The following SH2B2 variants were observed in gnomAD, a reference collection of about 807,000 sequenced individuals.
SH2B2 encodes the protein SH2B adaptor protein 2.
SH2B2 carries 37 observed loss-of-function variants against 35.7 expected under a neutral mutation model. The observed-to-expected ratio is 1.04, with a 90% CI of 0.80 to 1.36. The LOEUF is 1.36. Ranked by LOEUF, SH2B2 falls within the 40% of genes most tolerant of loss-of-function variation. The pLI is 0.00. For missense variants in SH2B2, 852 were observed against 817.7 expected (o/e 1.04, Z -0.51); for synonymous variants, 383 against 376.4 (o/e 1.02, Z -0.20).
intron 1 of SH2B2, among the ~76,000 whole-genome samples, chr7:102,292,462 CG>C (rs1563546773): frequency 6.7e-6 from 1 of 149,034 alleles, no homozygotes; most frequent in Non-Finnish European, 1.5e-5. Context: ...ACCCAGGAGG[CG>C]GAAGTTGCAG....
intron 7 of SH2B2, among the ~76,000 whole-genome samples, chr7:102,317,881 C>T (rs1443424355): frequency 2.6e-5 from 4 of 152,214 alleles, no homozygotes; most frequent in South Asian, 2.1e-4. Context: ...GGAACACACA[C>T]GGGCAAACCC....
chr7:102,313,905 C>T (rs1442642884), intron 4 of SH2B2, among the ~76,000 whole-genome samples: 28 of 149,342 alleles, frequency 1.9e-4, no homozygotes, highest in African/African-American at 3.0e-4. Flanking sequence ...AGTGAGACTC[C>T]GTCTCAAAAA....
chr7:102,314,642 G>A lies in SH2B2; in HGVS notation c.1146G>A (p.Leu382=). ...HVPLETFLQT[L]ESPGGSGSDS... ...CGCTAGAGACCTTTCTGCAGACCCT[G>A]GAATCCCCGGGCGGCAGCGGCAGTG... Residue 382 remains leucine (L), a synonymous_variant, in exon 6 of 9, where the codon CTG becomes CTA. Coordinates refer to ENST00000444095, the MANE Select transcript of SH2B2 (RefSeq NM_001359228.2). 1 of 398,556 alleles carries A rather than the reference G, an allele frequency of 2.5e-6. No individual in the cohort carries two copies. 24.7% of individuals were successfully genotyped at this position (398,556 alleles called of 1,614,324 possible). A position where few individuals can be genotyped will look rare whatever the true frequency, so the allele number is the denominator to read the frequency against.
In SH2B2 at chr7:102,320,491, A is replaced by AC. The variant is rs782145245; in HGVS notation, c.1562dup (p.Pro522ThrfsTer?). The AC allele has an allele frequency of 9.3e-6, 15 of 1,611,616 alleles. No individual in the cohort carries two copies. Among genetic ancestry groups the AC allele is most frequent in the African/African-American group, 1.3e-5 (1 of 74,106 alleles). ...CTTCGCAGCTATGTGCGGGCCCAGG[A>AC]CCCCCCACCAGGTAAGATGCCGCCA... On this transcript the variant is annotated frameshift_variant, in exon 8 of 9. Transcript: ENST00000444095. LOFTEE classifies it low-confidence loss of function (END_TRUNC).
chr7:102,302,774 A>C (rs1352750509), intron 2 of SH2B2, among the ~76,000 whole-genome samples: 1 of 152,208 alleles, frequency 6.6e-6, no homozygotes, highest in Non-Finnish European at 1.5e-5. Context: ...CTAACATGGC[A>C]GGACATGGTG....
At chr7:102,295,401 C>A (rs1438547535) in intron 1 of SH2B2, among the ~76,000 whole-genome samples, 2 of 152,202 alleles carry the variant, frequency 1.3e-5, no homozygotes, top group African/African-American at 2.4e-5. Flanking sequence ...ATGGGTTCAG[C>A]TGTGGCCCCA....
At position 102,320,409 on chromosome 7, in the gene SH2B2, C is replaced by G; in HGVS notation, c.1474C>G (p.Arg492Gly). ...GTTCCAGTCTGTGCTTGACATGCTCCGCCACTTCCACACACACCCCATCCC... is the reference window on the plus strand; with the variant it reads ...GTTCCAGTCTGTGCTTGACATGCTCGGCCACTTCCACACACACCCCATCCC... ...LWFQSVLDML[R>G]HFHTHPIPLE... The change falls in exon 8 of 9, where the codon CGC becomes GGC. Residue 492 changes from arginine (R) to glycine (G), a missense_variant. This residue lies in a region of SH2B2 where 556 missense variants were observed against 514.5 expected (regional missense o/e 1.08). Coordinates refer to ENST00000444095, the MANE Select transcript of SH2B2 (RefSeq NM_001359228.2). 6.2e-7 allele frequency: 1 copy of G among 1,613,660 alleles called. No homozygotes were observed. Among genetic ancestry groups the G allele is most frequent in the Non-Finnish European group, 8.5e-7 (1 of 1,179,886 alleles).
intron 8 of SH2B2, among the ~76,000 whole-genome samples, chr7:102,320,970 C>T (rs1035623443): frequency 1.6e-4 from 24 of 147,242 alleles, no homozygotes; most frequent in African/African-American, 6.2e-4. Context: ...CTTACGTGTG[C>T]GTGTGTGCGC....
At chr7:102,294,029 T>C (rs1316731655) in intron 1 of SH2B2, among the ~76,000 whole-genome samples, 1 of 152,020 alleles carries the variant, frequency 6.6e-6, no homozygotes, top group African/African-American at 2.4e-5. Context: ...AGAGAAGGTT[T>C]TGTTTCGGTT....
chr7:102,291,240 C>T (rs1792660247), intron 1 of SH2B2, among the ~76,000 whole-genome samples: 1 of 152,236 alleles, frequency 6.6e-6, no homozygotes, highest in African/African-American at 2.4e-5. Flanking sequence ...CTTGGGATGT[C>T]TGCAAAAGCC....
At chr7:102,318,055 C>G (rs1013462317) in intron 7 of SH2B2, among the ~76,000 whole-genome samples, 5 of 152,128 alleles carry the variant, frequency 3.3e-5, no homozygotes, top group African/African-American at 1.2e-4. Context: ...CAGCACCCAG[C>G]TGGATCAGAG....
intron 3 of SH2B2, among the ~76,000 whole-genome samples, chr7:102,307,767 TG>T (rs1554555182): frequency 6.6e-6 from 1 of 150,876 alleles, no homozygotes; most frequent in Admixed American, 6.6e-5. Context: ...ACATTTTTTT[TG>T]TTTTTTTTTT....
intron 7 of SH2B2, among the ~76,000 whole-genome samples, chr7:102,317,727 T>A (rs112851820): frequency 6.6e-6 from 1 of 151,930 alleles, no homozygotes; most frequent in Non-Finnish European, 1.5e-5. Context: ...GGGGATCTCA[T>A]AGCACTGGAG....
chr7:102,304,179 G>A (rs949675721), intron 2 of SH2B2, among the ~76,000 whole-genome samples: 2 of 152,160 alleles, frequency 1.3e-5, no homozygotes, highest in African/African-American at 2.4e-5. Context: ...CCTCCAAGAG[G>A]CCTAGATGCA....
intron 4 of SH2B2, among the ~76,000 whole-genome samples, chr7:102,312,043 A>C (rs1586596200): frequency 6.9e-6 from 1 of 145,586 alleles, no homozygotes; most frequent in Admixed American, 7.1e-5. Context: ...GCACCACTGA[A>C]CTCCACTGGG....
chr7:102,300,495 GTCACTGCGCGC>G lies in SH2B2; in HGVS notation c.-29-24_-29-14del. 2 of 1,504,240 alleles carry G rather than the reference GTCACTGCGCGC, an allele frequency of 1.3e-6. No homozygotes were observed. The highest frequency in any genetic ancestry group is 1.8e-6 in the Non-Finnish European group (2 of 1,129,524). 93.2% of individuals were successfully genotyped at this position (1,504,240 alleles called of 1,614,324 possible). On this transcript the variant is annotated splice_polypyrimidine_tract_variant and intron_variant, in intron 1 of 8. Coordinates refer to ENST00000444095, the MANE Select transcript of SH2B2 (RefSeq NM_001359228.2). ...GGGCGCATTGATCACAGGCCTGAAA[GTCACTGCGCGC>G]TCTTCTCGCCCGAAGCCGCAGGTGG...
intron 1 of SH2B2, among the ~76,000 whole-genome samples, chr7:102,288,643 G>A (rs968951): frequency 0.061 from 9,354 of 152,186 alleles, 953 homozygotes; most frequent in African/African-American, 0.21. Flanking sequence ...GGTCTTGGAA[G>A]TGGGATCTCC....
At position 102,293,809 on chromosome 7, in the gene SH2B2, G is replaced by A. The variant is rs528282351; in HGVS notation, c.-29-6713G>A. ...TCCAGCAATCCCATTTTACTGATAGGGAAGTGGAGGCACCAAGAGACACAG... is the reference window on the plus strand; with the variant it reads ...TCCAGCAATCCCATTTTACTGATAGAGAAGTGGAGGCACCAAGAGACACAG... On this transcript the variant is annotated intron_variant, in intron 1 of 8. Transcript: ENST00000444095. Among the ~76,000 whole-genome samples, 25 of 152,244 alleles carry A rather than the reference G, an allele frequency of 1.6e-4. No individual in the cohort carries two copies. In the East Asian group the frequency reaches 4.6e-3, roughly 28 times the overall value.
Position 102,314,486 on chromosome 7 carries a change from G to A in SH2B2, c.1016-26G>A, listed in dbSNP as rs1203551960. The A allele has an allele frequency of 3.8e-5, 15 of 398,668 alleles. No individual in the cohort carries two copies. The South Asian group carries it at 1.1e-3, about 30-fold the overall frequency. 24.7% of individuals were successfully genotyped at this position (398,668 alleles called of 1,614,324 possible). On this transcript the variant is annotated intron_variant, in intron 5 of 8. Transcript: ENST00000444095. The stretch of plus-strand genomic sequence containing the variant: ...ACTCAGGGTGGACAGATAAAGATAC[G>A]TGCATCTTACCTGCCACTTCCCCAG...
Sources: allele counts gnomAD v4.1 joint callset (sites outside exome capture counted in the v4.1 genomes callset), GRCh38; gene constraint gnomAD v4.1.1; regional missense constraint gnomAD v4.1.1; transcripts MANE v1.5; gene names NCBI Gene and HGNC (gene_info 2026-07-23, HGNC 2026-07-21).